The following IGF2R variants were observed in gnomAD, a reference collection of about 807,000 sequenced individuals.
IGF2R encodes cation-independent mannose-6-phosphate receptor.
Under a neutral mutation model 270.6 loss-of-function variants are expected in IGF2R, and 91 were observed. The ratio of observed to expected loss-of-function variants is 0.34; its 90% CI spans 0.28 to 0.40. The LOEUF (loss-of-function observed/expected upper bound fraction) is 0.40, where lower values mean the gene tolerates loss of function less well. Among genes scored for constraint, IGF2R ranks in the 10% least tolerant of loss-of-function variants. The probability of loss-of-function intolerance (pLI) is 1.00; values close to 1 mark genes in which losing one functional copy is unlikely to be tolerated. For missense variants in IGF2R, 2,805 were observed against 3,188.3 expected (o/e 0.88, Z 2.90); for synonymous variants, 1,316 against 1,258.9 (o/e 1.05, Z -0.96).
intron 6 of IGF2R, among the ~76,000 whole-genome samples, chr6:160,029,127 C>A (rs576282026): frequency 6.6e-6 from 1 of 152,070 alleles, no homozygotes; most frequent in South Asian, 2.1e-4. Flanking sequence ...GGACTAGAGG[C>A]GCACTACCAT....
intron 2 of IGF2R, 47 bp from the exon 3 acceptor site, chr6:160,008,963 G>A: frequency 6.3e-7 from 1 of 1,598,464 alleles, no homozygotes; most frequent in South Asian, 1.1e-5. Flanking sequence ...TAGCTGTTTG[G>A]TTATGTATGT....
chr6:160,073,533 C>T (rs1778791272), intron 34 of IGF2R, 64 bp downstream of exon 34: 5 of 1,574,066 alleles, frequency 3.2e-6, no homozygotes, highest in East Asian at 2.3e-5. Flanking sequence ...CGGGCCCCTT[C>T]GTCAGGTTCA....
At chr6:159,996,324 CG>C (rs1784053027) in intron 2 of IGF2R, among the ~76,000 whole-genome samples, 1 of 152,112 alleles carries the variant, frequency 6.6e-6, no homozygotes, top group Non-Finnish European at 1.5e-5. Context: ...CAGTGGAATC[CG>C]ATGGGTGGGT....
In IGF2R at chr6:160,096,635, A is replaced by G. The variant is rs1779366383; in HGVS notation, c.6842+10A>G. On this transcript the variant is annotated intron_variant, in intron 45 of 47. Coordinates refer to ENST00000356956, the MANE Select transcript of IGF2R (RefSeq NM_000876.4). Reference sequence around the variant, plus strand: ...CCGTGTGTCCTCTGGGGTGAGTATGACATCCGGAAGCTTAGCACTTGTACC... The same window carrying G: ...CCGTGTGTCCTCTGGGGTGAGTATGGCATCCGGAAGCTTAGCACTTGTACC... 6.2e-7 allele frequency: 1 copy of G among 1,602,354 alleles called. No individual in the cohort carries two copies. The highest frequency in any genetic ancestry group is 8.5e-7 in the Non-Finnish European group (1 of 1,172,768).
At chr6:159,996,160 G>C (rs1784050450) in intron 2 of IGF2R, among the ~76,000 whole-genome samples, 1 of 152,044 alleles carries the variant, frequency 6.6e-6, no homozygotes, top group Non-Finnish European at 1.5e-5. Flanking sequence ...GATGTGCTTG[G>C]GTGTGTGAGC....
intron 44 of IGF2R, chr6:160,093,676 C>G (rs1344220783): frequency 1.3e-6 from 1 of 752,642 alleles, no homozygotes; most frequent in East Asian, 2.5e-5. Context: ...TGGCTCATTT[C>G]CAAACCATTG....
chr6:160,006,540 A>C (rs546431738), intron 2 of IGF2R: 84 of 152,430 alleles, frequency 5.5e-4, no homozygotes, highest in African/African-American at 1.8e-3. Flanking sequence ...ACTGGGCAAA[A>C]GTTTTAGAAA....
At chr6:160,056,887 C>T (rs772757076) in intron 20 of IGF2R, among the ~76,000 whole-genome samples, 1 of 152,226 alleles carries the variant, frequency 6.6e-6, no homozygotes, top group Non-Finnish European at 1.5e-5. Flanking sequence ...ATCTCAGTGC[C>T]TGTCCCCTAG....
chr6:159,981,264 CGTGTGTGAGTGCACGA>C (rs1376588226), intron 1 of IGF2R, among the ~76,000 whole-genome samples: 92 of 152,048 alleles, frequency 6.1e-4, no homozygotes, highest in Non-Finnish European at 1.1e-3. Context: ...TGCGTGAGTG[CGTGTGTGAGTGCACGA>C]GTGTGTGAGT....
intron 2 of IGF2R, among the ~76,000 whole-genome samples, chr6:160,001,796 C>G (rs1382873877): frequency 6.6e-6 from 1 of 152,222 alleles, no homozygotes; most frequent in Non-Finnish European, 1.5e-5. Context: ...CCATCATTTT[C>G]ATAGGGCCTG....
At chr6:160,007,422 G>GTA (rs1159600899) in intron 2 of IGF2R, 1 of 152,190 alleles carries the variant, frequency 6.6e-6, no homozygotes, top group African/African-American at 2.4e-5. Flanking sequence ...GTTGTAAATG[G>GTA]TATACCATTT....
At chr6:160,080,890 G>A (rs1313973226) in intron 39 of IGF2R, among the ~76,000 whole-genome samples, 2 of 151,954 alleles carry the variant, frequency 1.3e-5, no homozygotes, top group African/African-American at 4.8e-5. Flanking sequence ...GGCTGAGGCG[G>A]GTGGATCACG....
intron 46 of IGF2R, among the ~76,000 whole-genome samples, chr6:160,103,371 T>TG (rs1448504972): frequency 2.0e-5 from 3 of 149,334 alleles, no homozygotes; most frequent in Non-Finnish European, 4.4e-5. Context: ...AAATGCAGAA[T>TG]GGGGCAGAAG....
rs1468893428 is a variant in IGF2R at position 159,969,328 on chromosome 6, C to T, written c.82C>T (p.Leu28=). The change falls in exon 1 of 48, where the codon CTG becomes TTG. Residue 28 remains leucine, a synonymous_variant. Transcript: ENST00000356956. ...RPQRSLLLLQ[L]LLLVAAPGST... is the part of the protein sequence containing the mutation. ...GCAGCGCTCTCTGCTCCTGCTGCAG[C>T]TGCTGCTGCTCGTCGCTGCCCCGGG... 3.8e-6 allele frequency: 5 copies of T among 1,306,096 alleles called. No individual in the cohort carries two copies. The South Asian group carries it at 6.7e-5, about 18-fold the overall frequency. 80.9% of individuals were successfully genotyped at this position (1,306,096 alleles called of 1,614,324 possible).
chr6:160,068,116 CAGAG>C (rs920323002), intron 29 of IGF2R, 129 bp from the exon 30 acceptor site: 30 of 734,064 alleles, frequency 4.1e-5, no homozygotes, highest in Non-Finnish European at 6.4e-5. Context: ...GTGACAGAGA[CAGAG>C]AGAAGTCGAG....
intron 4 of IGF2R, among the ~76,000 whole-genome samples, chr6:160,023,280 C>T (rs943271386): frequency 1.1e-4 from 17 of 151,936 alleles, no homozygotes; most frequent in East Asian, 5.8e-4. Context: ...TGGATGTAGA[C>T]GTGAGAGAAC....
chr6:160,034,609 A>G (rs928504172), intron 10 of IGF2R, 87 bp downstream of exon 10: 1 of 867,062 alleles, frequency 1.2e-6, no homozygotes, highest in Non-Finnish European at 1.9e-6. Flanking sequence ...TTGGAAGTGA[A>G]CACTGAATGG....
At position 160,040,545 on chromosome 6, in the gene IGF2R, T is replaced by C. The variant is rs1225690346; in HGVS notation, c.1316-15T>C. On this transcript the variant is annotated splice_polypyrimidine_tract_variant and intron_variant, in intron 10 of 47. Coordinates refer to ENST00000356956, the MANE Select transcript of IGF2R (RefSeq NM_000876.4). ...TCACGTATGGAGTTTAAATTTCTCC[T>C]CTTGAATTGTGCAGGTAACGATGGG... The C allele has an allele frequency of 1.9e-6, 3 of 1,613,240 alleles. No individual in the cohort carries two copies. The highest frequency in any genetic ancestry group is 8.5e-7 in the Non-Finnish European group (1 of 1,179,400).
intron 11 of IGF2R, among the ~76,000 whole-genome samples, chr6:160,041,412 CG>C (rs776082572): frequency 1.3e-5 from 2 of 151,822 alleles, no homozygotes; most frequent in Non-Finnish European, 2.9e-5. Context: ...TGTTCTCGCT[CG>C]TAAGTGGGAG....
Sources: allele counts gnomAD v4.1 joint callset (sites outside exome capture counted in the v4.1 genomes callset), GRCh38; gene constraint gnomAD v4.1.1; transcripts MANE v1.5; gene names NCBI Gene and HGNC (gene_info 2026-07-23, HGNC 2026-07-21).